Variants in ZNF721 observed in about 807,000 individuals in gnomAD.
The protein encoded by ZNF721 is zinc finger protein 721.
A neutral mutation model predicts 2.4 loss-of-function variants in ZNF721; 2 were observed. The observed-to-expected ratio is 0.82, with a 90% CI of 0.34 to 2.58. ZNF721 has a LOEUF of 2.58. ZNF721 is among the 30% of genes most tolerant of loss of function. The probability of loss-of-function intolerance (pLI) is 0.11; values close to 1 mark genes in which losing one functional copy is unlikely to be tolerated. For synonymous variants in ZNF721, 398 were observed against 381.8 expected (o/e 1.04, Z -0.50); for missense variants, 1,187 against 1,085.5 (o/e 1.09, Z -1.31).
chr4:466,196 A>G (rs1715245472), intron 2 of ZNF721, among the ~76,000 whole-genome samples: 2 of 125,970 alleles, frequency 1.6e-5, no homozygotes, highest in Admixed American at 1.5e-4. Flanking sequence ...AGACTTGGGT[A>G]GTAAGAAAAA....
intron 2 of ZNF721, among the ~76,000 whole-genome samples, chr4:455,729 A>T (rs1201416018): frequency 6.6e-6 from 1 of 152,176 alleles, no homozygotes; most frequent in African/African-American, 2.4e-5. Flanking sequence ...AGCTGAAGAA[A>T]AAGAAAAAAA....
intron 1 of ZNF721, among the ~76,000 whole-genome samples, chr4:487,920 G>A (rs1715936617): frequency 6.6e-6 from 1 of 152,170 alleles, no homozygotes; most frequent in African/African-American, 2.4e-5. Context: ...CCTCCCCCTT[G>A]TACCAGTTCT....
chr4:449,455 G>T (rs1344403175), intron 2 of ZNF721, among the ~76,000 whole-genome samples: 1 of 151,914 alleles, frequency 6.6e-6, no homozygotes, highest in Non-Finnish European at 1.5e-5. Flanking sequence ...CACAAATAAA[G>T]ATTTAAATGG....
intron 2 of ZNF721, among the ~76,000 whole-genome samples, chr4:466,240 C>T (rs782048459): frequency 1.3e-5 from 2 of 152,186 alleles, no homozygotes; most frequent in African/African-American, 2.4e-5. Flanking sequence ...ACCCTGCATG[C>T]GTGTGCACTC....
intron 1 of ZNF721, among the ~76,000 whole-genome samples, chr4:498,621 G>A (rs577530212): frequency 2.0e-5 from 3 of 151,964 alleles, no homozygotes; most frequent in African/African-American, 7.3e-5. Context: ...AGCAAAATAA[G>A]ACACAGAAAG....
At chr4:492,018 C>T (rs1553871541) in intron 1 of ZNF721, among the ~76,000 whole-genome samples, 3 of 151,464 alleles carry the variant, frequency 2.0e-5, no homozygotes, top group South Asian at 2.1e-4. Flanking sequence ...AAAAATTAGT[C>T]GGGCGTGGCC....
chr4:463,104 C>T (rs1715120521), intron 2 of ZNF721, among the ~76,000 whole-genome samples: 1 of 152,164 alleles, frequency 6.6e-6, no homozygotes, highest in African/African-American at 2.4e-5. Flanking sequence ...AGGATATGAA[C>T]AGACAGTTCT....
chr4:442,555 C>T lies in ZNF721; in HGVS notation c.1912G>A (p.Glu638Lys). The change falls in exon 3 of 3, where the codon GAG (glutamate) becomes AAG (lysine). Residue 638 changes from glutamate to lysine, a missense_variant. Physicochemically the swap from Glu to Lys is moderately conservative, Grantham distance 56. Coordinates refer to ENST00000511833, the MANE Select transcript of ZNF721 (RefSeq NM_133474.4). ...CACTCTTCACATTTGTAAGGTTTCT[C>T]CCCAGTGTAAATTTTCTTCTGTTGA... ...LNQQKKIYTG[E>K]KPYKCEECGK... 6.2e-7 allele frequency: 1 copy of T among 1,613,880 alleles called. No individual in the cohort carries two copies. The highest frequency in any genetic ancestry group is 8.5e-7 in the Non-Finnish European group (1 of 1,179,876).
chr4:462,867 C>G (rs782268165), intron 2 of ZNF721, among the ~76,000 whole-genome samples: 1 of 152,102 alleles, frequency 6.6e-6, no homozygotes, highest in Non-Finnish European at 1.5e-5. Flanking sequence ...ACTAAAACAC[C>G]AAAAGCAATG....
At chr4:461,438 C>T (rs1215096968) in intron 2 of ZNF721, among the ~76,000 whole-genome samples, 9 of 151,194 alleles carry the variant, frequency 6.0e-5, no homozygotes, top group Non-Finnish European at 1.3e-4. Flanking sequence ...CAACTAGGTA[C>T]TGATGGAATG....
chr4:497,670 C>T (rs1185828203), intron 1 of ZNF721, among the ~76,000 whole-genome samples: 2 of 147,822 alleles, frequency 1.4e-5, no homozygotes, highest in Non-Finnish European at 3.0e-5. Context: ...GGGCGGATCA[C>T]GAGGTCAGGA....
At chr4:468,471 A>G (rs1715327948) in intron 2 of ZNF721, among the ~76,000 whole-genome samples, 1 of 152,154 alleles carries the variant, frequency 6.6e-6, no homozygotes, top group Non-Finnish European at 1.5e-5. Flanking sequence ...TAGTCAGTAA[A>G]AGCTAAACCC....
chr4:440,069 T>C lies in ZNF721; in HGVS notation c.*1626A>G, dbSNP rs1313350348. 4 of 152,222 alleles carry C rather than the reference T, an allele frequency of 2.6e-5. No individual in the cohort carries two copies. Among genetic ancestry groups the C allele is most frequent in the African/African-American group, 9.6e-5 (4 of 41,466 alleles). 9.4% of individuals were successfully genotyped at this position (152,222 alleles called of 1,614,324 possible). A position where few individuals can be genotyped will look rare whatever the true frequency, so the allele number is the denominator to read the frequency against. Reference sequence around the variant, plus strand: ...GAATTTTAAAATTTACTGCATTTTATTGCACTTATTACATAAATATACAGT... The same window carrying C: ...GAATTTTAAAATTTACTGCATTTTACTGCACTTATTACATAAATATACAGT... On this transcript the variant is annotated 3_prime_UTR_variant, in exon 3 of 3. Coordinates refer to ENST00000511833, the MANE Select transcript of ZNF721 (RefSeq NM_133474.4).
At chr4:464,801 T>C (rs1159085876) in intron 2 of ZNF721, among the ~76,000 whole-genome samples, 2 of 152,006 alleles carry the variant, frequency 1.3e-5, no homozygotes, top group African/African-American at 2.4e-5. Context: ...CAGCTGGGGC[T>C]GGGCGCGGTG....
intron 2 of ZNF721, among the ~76,000 whole-genome samples, chr4:462,257 C>A (rs1188473905): frequency 1.3e-5 from 2 of 152,042 alleles, no homozygotes; most frequent in Non-Finnish European, 2.9e-5. Context: ...AATAAGAGGA[C>A]ACAAACAAAT....
chr4:491,350 G>A (rs368880479), intron 1 of ZNF721, among the ~76,000 whole-genome samples: 17 of 152,058 alleles, frequency 1.1e-4, no homozygotes, highest in African/African-American at 3.4e-4. Flanking sequence ...TCCAGGAGGC[G>A]GAGGTTGCAG....
intron 2 of ZNF721, among the ~76,000 whole-genome samples, chr4:468,782 T>G (rs782518134): frequency 6.6e-5 from 10 of 152,226 alleles, no homozygotes; most frequent in Non-Finnish European, 1.2e-4. Context: ...ATACAAACTG[T>G]AATCATTGTT....
chr4:444,481 C>T (rs1714405459), intron 2 of ZNF721, 49 bp from the exon 3 acceptor site: 2 of 1,482,454 alleles, frequency 1.3e-6, no homozygotes, highest in Admixed American at 2.3e-5. Flanking sequence ...GATTCATATG[C>T]ATATACTTTA....
At chr4:448,599 C>A (rs1714554280) in intron 2 of ZNF721, among the ~76,000 whole-genome samples, 1 of 151,988 alleles carries the variant, frequency 6.6e-6, no homozygotes, top group Admixed American at 6.6e-5. Context: ...AACAGCAAAC[C>A]CCATATTATA....
Sources: allele counts gnomAD v4.1 joint callset (sites outside exome capture counted in the v4.1 genomes callset), GRCh38; gene constraint gnomAD v4.1.1; transcripts MANE v1.5; gene names NCBI Gene and HGNC (gene_info 2026-07-23, HGNC 2026-07-21).